The following ARHGAP35 variants were observed in gnomAD, a reference collection of about 807,000 sequenced individuals.
ARHGAP35 encodes the protein rho GTPase-activating protein 35.
Under a neutral mutation model 111.1 loss-of-function variants are expected in ARHGAP35, and 15 were observed. The observed-to-expected ratio is 0.13, with a 90% CI of 0.09 to 0.21. The LOEUF is 0.21. ARHGAP35 is among the 10% of genes least tolerant of loss of function. The probability of loss-of-function intolerance (pLI) is 1.00; values close to 1 mark genes in which losing one functional copy is unlikely to be tolerated. For synonymous variants in ARHGAP35, 643 were observed against 710.3 expected (o/e 0.91, Z 1.51); for missense variants, 1,262 against 1,873.0 (o/e 0.67, Z 6.02).
At position 46,960,746 on chromosome 19, in the gene ARHGAP35, G is replaced by T. The variant is rs1019455709; in HGVS notation, c.3826+23338G>T. On this transcript the variant is annotated intron_variant, in intron 3 of 6. Transcript: ENST00000672722. The stretch of plus-strand genomic sequence containing the variant: ...CTACACATAATAGATATAATGTGCT[G>T]GGCTGCTTTTTATACAGATGGAGCC... Among the ~76,000 whole-genome samples the T allele has an allele frequency of 1.8e-4, 27 of 152,038 alleles. 1 individual carries two copies. Among genetic ancestry groups the T allele is most frequent in the Non-Finnish European group, 4.4e-5 (3 of 68,012 alleles).
intron 1 of ARHGAP35, among the ~76,000 whole-genome samples, chr19:46,874,912 A>G: frequency 6.7e-6 from 1 of 148,674 alleles, no homozygotes; most frequent in East Asian, 2.0e-4. Context: ...CCCGGGTTCA[A>G]GCGGTTCTCC....
At chr19:46,947,946 G>A (rs1009722115) in intron 3 of ARHGAP35, 1 of 152,224 alleles carries the variant, frequency 6.6e-6, no homozygotes, top group African/African-American at 2.4e-5. Flanking sequence ...CGAGGTACAG[G>A]GGAAGGTCGT....
At chr19:46,973,757 G>A (rs950290709) in intron 3 of ARHGAP35, among the ~76,000 whole-genome samples, 2 of 151,750 alleles carry the variant, frequency 1.3e-5, no homozygotes, top group African/African-American at 4.8e-5. Context: ...GGAGGCCGAT[G>A]CAGGTGGATC....
chr19:46,869,310 G>T (rs2055875152), intron 1 of ARHGAP35, among the ~76,000 whole-genome samples: 1 of 152,056 alleles, frequency 6.6e-6, no homozygotes, highest in African/African-American at 2.4e-5. Context: ...ATATATAGTT[G>T]GCCAGGCGTG....
chr19:46,938,283 G>A (rs866436438), intron 3 of ARHGAP35, among the ~76,000 whole-genome samples: 2 of 152,230 alleles, frequency 1.3e-5, no homozygotes, highest in African/African-American at 2.4e-5. Flanking sequence ...GTGAAGCTGA[G>A]TGACAGTGTT....
At chr19:46,959,941 A>T (rs1300476156) in intron 3 of ARHGAP35, among the ~76,000 whole-genome samples, 7 of 149,600 alleles carry the variant, frequency 4.7e-5, no homozygotes, top group Non-Finnish European at 7.4e-5. Flanking sequence ...CTACAAAAAA[A>T]ATTTTTTTTT....
chr19:46,875,551 A>G (rs2055914137), intron 1 of ARHGAP35, among the ~76,000 whole-genome samples: 1 of 152,178 alleles, frequency 6.6e-6, no homozygotes, highest in South Asian at 2.1e-4. Context: ...TTTGCATCTT[A>G]CCAACTTTGT....
rs564353529 is a variant in ARHGAP35 at position 46,956,536 on chromosome 19, C to T, written c.3826+19128C>T. On this transcript the variant is annotated intron_variant, in intron 3 of 6. Coordinates refer to ENST00000672722, the MANE Select transcript of ARHGAP35 (RefSeq NM_004491.5). The stretch of plus-strand genomic sequence containing the variant: ...CCATGTTCAAGCAATTCTCCTGCCT[C>T]GGCCTCCCAAAGTGCTGGGATTACA... Among the ~76,000 whole-genome samples the T allele has an allele frequency of 1.2e-4, 18 of 151,942 alleles. No homozygotes were observed. The South Asian group carries it at 2.3e-3, about 19-fold the overall frequency.
At chr19:46,936,997 G>A (rs568829038) in intron 2 of ARHGAP35, among the ~76,000 whole-genome samples, 3 of 151,754 alleles carry the variant, frequency 2.0e-5, no homozygotes, top group South Asian at 2.1e-4. Context: ...CCACCACTAC[G>A]CCTGGCTAAT....
chr19:46,913,169 T>C (rs1453406510), intron 1 of ARHGAP35, among the ~76,000 whole-genome samples: 2 of 149,016 alleles, frequency 1.3e-5, no homozygotes, highest in African/African-American at 5.0e-5. Context: ...TTATGGATAA[T>C]GGTGGAAGAT....
chr19:46,944,261 T>C (rs981054621), intron 3 of ARHGAP35, among the ~76,000 whole-genome samples: 4 of 146,932 alleles, frequency 2.7e-5, no homozygotes, highest in Non-Finnish European at 5.9e-5. Context: ...ATCATGCCAC[T>C]GCACTCCAGC....
At chr19:46,881,553 A>G (rs1168083179) in intron 1 of ARHGAP35, among the ~76,000 whole-genome samples, 4 of 152,188 alleles carry the variant, frequency 2.6e-5, no homozygotes, top group Admixed American at 6.5e-5. Flanking sequence ...GTAGGTCTCA[A>G]TGGTGGGCTT....
At chr19:46,883,855 G>C (rs957595990) in intron 1 of ARHGAP35, among the ~76,000 whole-genome samples, 2 of 152,142 alleles carry the variant, frequency 1.3e-5, no homozygotes, top group Non-Finnish European at 2.9e-5. Context: ...AGGAGTTTGA[G>C]ACCAGCCTGG....
chr19:46,921,374 T>C lies in ARHGAP35; in HGVS notation c.2699T>C (p.Leu900Ser). The C allele has an allele frequency of 6.2e-7, 1 of 1,613,928 alleles. No individual in the cohort carries two copies. Among genetic ancestry groups the C allele is most frequent in the Non-Finnish European group, 8.5e-7 (1 of 1,179,884 alleles). The change falls in exon 2 of 7, where the codon TTA becomes TCA. Residue 900 changes from leucine (L) to serine (S), a missense_variant. Coordinates refer to ENST00000672722, the MANE Select transcript of ARHGAP35 (RefSeq NM_004491.5). This position sits in a 1 kb window ranked among gnomAD's most constrained non-coding sequence, Gnocchi z 4.3. ...DGAVDVLDND[L>S]SREQLTEGEE... ...GCTGTAGATGTCCTGGACAATGACT[T>C]AAGTAGGGAACAGCTAACTGAGGGG...
chr19:46,901,036 A>G lies in ARHGAP35; in HGVS notation c.-188-17452A>G, dbSNP rs1327037104. Among the ~76,000 whole-genome samples, 1 of 152,202 alleles carries G rather than the reference A, an allele frequency of 6.6e-6. No individual in the cohort carries two copies. Among genetic ancestry groups the G allele is most frequent in the African/African-American group, 2.4e-5 (1 of 41,450 alleles). The stretch of plus-strand genomic sequence containing the variant: ...CCTCTGCTAGAATTTAAGTTCCATG[A>G]GGCAGGCATCTTTGTCTCTTTTGTT... On this transcript the variant is annotated intron_variant, in intron 1 of 6. Transcript: ENST00000672722. The surrounding 1 kb of genome is among the most constrained non-coding windows in gnomAD (Gnocchi z 4.5).
chr19:46,904,259 G>C (rs534191236), intron 1 of ARHGAP35, among the ~76,000 whole-genome samples: 12 of 152,338 alleles, frequency 7.9e-5, no homozygotes, highest in African/African-American at 2.2e-4. Context: ...CTGGCTGCCA[G>C]CATTCCCAGC....
Position 46,929,636 on chromosome 19 carries a change from G to A in ARHGAP35, c.3681+7280G>A, listed in dbSNP as rs184984139. Among the ~76,000 whole-genome samples the A allele has an allele frequency of 9.9e-5, 14 of 141,298 alleles. 2 individuals carry two copies. Among genetic ancestry groups the A allele is most frequent in the Admixed American group, 7.3e-4 (10 of 13,666 alleles). 92.7% of individuals were successfully genotyped at this position (141,298 alleles called of 152,430 possible). ...TTTTTTTACATAAAACATTAACGCC[G>A]GGCACAGTGGCTCACACCTGTAATC... On this transcript the variant is annotated intron_variant, in intron 2 of 6. Coordinates refer to ENST00000672722, the MANE Select transcript of ARHGAP35 (RefSeq NM_004491.5).
At chr19:46,905,980 G>A (rs1352677275) in intron 1 of ARHGAP35, among the ~76,000 whole-genome samples, 1 of 151,500 alleles carries the variant, frequency 6.6e-6, no homozygotes, top group Non-Finnish European at 1.5e-5. Flanking sequence ...CACCGTGCCT[G>A]GCCACATTTT....
chr19:46,961,951 A>G (rs941461246), intron 3 of ARHGAP35, among the ~76,000 whole-genome samples: 1 of 151,986 alleles, frequency 6.6e-6, no homozygotes, highest in African/African-American at 2.4e-5. Flanking sequence ...AGAGAAAGAA[A>G]GAAAAAGAGA....
Sources: gnomAD v4.1 joint callset for allele counts (sites outside exome capture counted in the v4.1 genomes callset) on GRCh38, gnomAD v4.1.1 for gene constraint, Gnocchi (gnomAD v3.1) non-coding constraint, MANE v1.5 for transcripts, NCBI Gene and HGNC (gene_info 2026-07-23, HGNC 2026-07-21) for gene names.